Variants in DAW1 observed in about 807,000 individuals in gnomAD.
DAW1 encodes dynein assembly factor with WD repeat domains 1.
DAW1 carries 47 observed loss-of-function variants against 56.5 expected under a neutral mutation model. The ratio of observed to expected loss-of-function variants is 0.83; its 90% CI spans 0.66 to 1.06. The LOEUF (loss-of-function observed/expected upper bound fraction) is 1.06. DAW1 is among the 50% of genes least tolerant of loss of function. The pLI is 0.00. For synonymous variants in DAW1, 190 were observed against 179.0 expected, an observed-to-expected ratio of 1.06 and a Z score of -0.49; for missense variants, 505 against 499.3, an observed-to-expected ratio of 1.01 and a Z score of -0.11.
chr2:227,921,852 T>C (rs979931248), intron 12 of DAW1, among the ~76,000 whole-genome samples: 2 of 152,224 alleles, frequency 1.3e-5, no homozygotes, highest in Admixed American at 1.3e-4. Context: ...TCCCCAGGTG[T>C]TTTCTATCAA....
Position 227,889,969 on chromosome 2 carries a change from A to G in DAW1, c.227A>G (p.Gln76Arg), listed in dbSNP as rs1691223879. 1.9e-6 allele frequency: 3 copies of G among 1,598,832 alleles called. No homozygotes were observed. The highest frequency in any genetic ancestry group is 2.6e-6 in the Non-Finnish European group (3 of 1,174,452). The change falls in exon 3 of 13, where the codon CAG (glutamine) becomes CGG (arginine). Residue 76 changes from glutamine to arginine, a missense_variant. Gln to Arg is a conservative substitution (Grantham distance 43). Transcript: ENST00000309931. The part of the protein sequence containing the change: ...LIQRLQEKLG[Q>R]NSNHTFYLFK... ...CAGAGGTTGCAAGAGAAACTCGGCCAGAACAGCAATCACACGTTCTATCTT... is the reference window on the plus strand; with the variant it reads ...CAGAGGTTGCAAGAGAAACTCGGCCGGAACAGCAATCACACGTTCTATCTT...
At chr2:227,916,304 T>A (rs1321707804) in intron 10 of DAW1, among the ~76,000 whole-genome samples, 5 of 152,202 alleles carry the variant, frequency 3.3e-5, no homozygotes, top group Non-Finnish European at 7.3e-5. Flanking sequence ...ATCTCACTGA[T>A]GACAGTATTT....
intron 10 of DAW1, among the ~76,000 whole-genome samples, chr2:227,913,700 A>G (rs1187122534): frequency 1.3e-5 from 2 of 152,104 alleles, no homozygotes; most frequent in African/African-American, 2.4e-5. Context: ...GGCACTGTGT[A>G]TGGTTCTAAA....
In DAW1 at chr2:227,891,281, G is replaced by A; in HGVS notation, c.285G>A (p.Leu95=). The part of the protein sequence containing the change: ...FKVLKAHILP[L]TNVALNKSGS... ...TTCTCAAAGCACATATATTGCCACT[G>A]ACTAATGTTGCACTTAACAAATCGG... is the stretch of plus-strand genomic sequence containing the variant. Residue 95 remains leucine (L), a synonymous_variant, in exon 4 of 13, where the codon CTG becomes CTA. Transcript: ENST00000309931. 1 of 1,613,282 alleles carries A rather than the reference G, an allele frequency of 6.2e-7. No individual in the cohort carries two copies. Among genetic ancestry groups the A allele is most frequent in the Non-Finnish European group, 8.5e-7 (1 of 1,179,722 alleles).
At chr2:227,910,181 G>T (rs1691781163) in intron 10 of DAW1, among the ~76,000 whole-genome samples, 1 of 152,108 alleles carries the variant, frequency 6.6e-6, no homozygotes, top group South Asian at 2.1e-4. Context: ...GCCAGGTGTG[G>T]TGGCTCATGC....
At chr2:227,913,464 T>TG (rs1482330265) in intron 10 of DAW1, among the ~76,000 whole-genome samples, 1 of 152,184 alleles carries the variant, frequency 6.6e-6, no homozygotes, top group Non-Finnish European at 1.5e-5. Context: ...CCACATATGA[T>TG]GCCTGATATT....
chr2:227,883,719 C>T (rs1007379135), intron 1 of DAW1, among the ~76,000 whole-genome samples: 2 of 152,170 alleles, frequency 1.3e-5, no homozygotes, highest in African/African-American at 4.8e-5. Flanking sequence ...GATGAGAATC[C>T]ATTGTCTTAA....
chr2:227,906,758 G>A (rs1465250166), intron 9 of DAW1, among the ~76,000 whole-genome samples: 3 of 152,132 alleles, frequency 2.0e-5, no homozygotes, highest in Non-Finnish European at 4.4e-5. Flanking sequence ...ATCTTATAAT[G>A]TACTTTCCAT....
At chr2:227,885,464 G>A (rs758203360) in intron 2 of DAW1, 41 bp downstream of exon 2, 1 of 1,502,498 alleles carries the variant, frequency 6.7e-7, no homozygotes, top group Admixed American at 2.0e-5. Context: ...TGTTCACTGG[G>A]AAGCCTTGAC....
intron 11 of DAW1, among the ~76,000 whole-genome samples, chr2:227,919,841 G>C (rs967445207): frequency 6.6e-6 from 1 of 152,160 alleles, no homozygotes; most frequent in Non-Finnish European, 1.5e-5. Flanking sequence ...CAAAATATCA[G>C]CTTGATGATT....
In DAW1 at chr2:227,907,257, G is replaced by A. The variant is rs761913838; in HGVS notation, c.973+5G>A. Reference sequence around the variant, plus strand: ...TTGCAACTGCTTCAGCTGATGGTAGGTGATCTGTTCATTCTTTTAATTTTT... The same window carrying A: ...TTGCAACTGCTTCAGCTGATGGTAGATGATCTGTTCATTCTTTTAATTTTT... On this transcript the variant is annotated splice_donor_5th_base_variant and intron_variant, in intron 10 of 12. Transcript: ENST00000309931. 3.1e-6 allele frequency: 5 copies of A among 1,607,606 alleles called. No individual in the cohort carries two copies. The highest frequency in any genetic ancestry group is 3.4e-6 in the Non-Finnish European group (4 of 1,175,722).
At chr2:227,919,682 A>T (rs116236899) in intron 11 of DAW1, among the ~76,000 whole-genome samples, 11 of 152,336 alleles carry the variant, frequency 7.2e-5, no homozygotes, top group Non-Finnish European at 1.2e-4. Flanking sequence ...CCAAAGGATC[A>T]TTCACGGAGC....
chr2:227,899,769 G>A lies in DAW1; in HGVS notation c.540+1488G>A, dbSNP rs549054165. Among the ~76,000 whole-genome samples, 7 of 152,298 alleles carry A rather than the reference G, an allele frequency of 4.6e-5. No individual in the cohort carries two copies. The East Asian group carries it at 1.4e-3, about 29-fold the overall frequency. On this transcript the variant is annotated intron_variant, in intron 6 of 12. Coordinates refer to ENST00000309931, the MANE Select transcript of DAW1 (RefSeq NM_178821.3). ...GTCGGTGACAGCCGATCTGCCAGCA[G>A]TGTTCAAGTGCTAGCACCCACACCC...
chr2:227,896,413 A>T (rs1324668136), intron 5 of DAW1, among the ~76,000 whole-genome samples: 2 of 152,116 alleles, frequency 1.3e-5, no homozygotes, highest in African/African-American at 4.8e-5. Flanking sequence ...GAGGTGAGGG[A>T]TACTTTTTGA....
At chr2:227,922,176 A>T (rs1692125590) in intron 12 of DAW1, among the ~76,000 whole-genome samples, 1 of 152,220 alleles carries the variant, frequency 6.6e-6, no homozygotes, top group South Asian at 2.1e-4. Flanking sequence ...AGTTTATGTC[A>T]GTAAGTGTTA....
chr2:227,884,986 G>A (rs1016184668), intron 1 of DAW1, among the ~76,000 whole-genome samples: 1 of 152,058 alleles, frequency 6.6e-6, no homozygotes, highest in Admixed American at 6.5e-5. Flanking sequence ...CAGGGAATAG[G>A]GCCCTCTTGT....
intron 12 of DAW1, among the ~76,000 whole-genome samples, chr2:227,922,227 C>A (rs1473997223): frequency 6.6e-6 from 1 of 152,244 alleles, no homozygotes; most frequent in African/African-American, 2.4e-5. Flanking sequence ...CCCCAGTTGG[C>A]TTTACAGCCC....
intron 10 of DAW1, among the ~76,000 whole-genome samples, chr2:227,913,599 G>A (rs997926854): frequency 1.3e-5 from 2 of 151,998 alleles, no homozygotes; most frequent in South Asian, 2.1e-4. Context: ...GCTATCCTAT[G>A]TGCCATTTTA....
chr2:227,918,663 T>C (rs1692030994), intron 10 of DAW1, 117 bp from the exon 11 acceptor site: 1 of 1,112,866 alleles, frequency 9.0e-7, no homozygotes, highest in Non-Finnish European at 1.3e-6. Flanking sequence ...GGCAAGAAGA[T>C]GAACTTAGCA....
Sources: allele counts gnomAD v4.1 joint callset (sites outside exome capture counted in the v4.1 genomes callset), GRCh38; gene constraint gnomAD v4.1.1; transcripts MANE v1.5; gene names NCBI Gene and HGNC (gene_info 2026-07-23, HGNC 2026-07-21).